BPIFB6: variants seen among roughly 807,000 people sequenced by gnomAD.
BPIFB6 encodes BPI fold-containing family B member 6.
In BPIFB6, 47 loss-of-function variants were observed where a neutral mutation model predicts 54.7. The observed-to-expected ratio is 0.86, with a 90% CI of 0.68 to 1.10. The LOEUF (loss-of-function observed/expected upper bound fraction) is 1.10, where lower values mean the gene tolerates loss of function less well. Among genes scored for constraint, BPIFB6 ranks in the 50% least tolerant of loss-of-function variants. The probability of loss-of-function intolerance (pLI) is 0.00; values close to 1 mark genes in which losing one functional copy is unlikely to be tolerated. For synonymous variants in BPIFB6, 255 were observed against 225.9 expected (o/e 1.13, Z -1.16); for missense variants, 603 against 564.1 (o/e 1.07, Z -0.70).
At chr20:33,033,382 T>C in intron 2 of BPIFB6, 2 of 496,306 alleles carry the variant, frequency 4.0e-6, no homozygotes, top group Non-Finnish European at 7.9e-6. Context: ...TCATTGAATG[T>C]ACGTGAAATT....
intron 14 of BPIFB6, 72 bp downstream of exon 14, chr20:33,043,439 C>A: frequency 1.4e-6 from 2 of 1,398,018 alleles, no homozygotes; most frequent in Non-Finnish European, 1.0e-6. Context: ...AAGAGCCTAC[C>A]TCTCTCAAAC....
intron 4 of BPIFB6, 25 bp downstream of exon 4, chr20:33,034,937 G>T: frequency 6.2e-7 from 1 of 1,605,924 alleles, no homozygotes; most frequent in East Asian, 2.2e-5. Context: ...GGCTGGGGAG[G>T]AAGGCCGGTC....
At chr20:33,043,481 C>T (rs1377172238) in intron 14 of BPIFB6, 114 bp downstream of exon 14, 1 of 945,178 alleles carries the variant, frequency 1.1e-6, no homozygotes, top group Non-Finnish European at 1.7e-6. Flanking sequence ...GGGCAGGTGG[C>T]CATCAATATA....
chr20:33,035,694 C>A (rs1979308278), intron 6 of BPIFB6, 22 bp downstream of exon 6: 3 of 1,609,668 alleles, frequency 1.9e-6, no homozygotes, highest in African/African-American at 1.3e-5. Flanking sequence ...CCTACCCACA[C>A]CTTGCCCCTA....
At position 33,035,601 on chromosome 20, in the gene BPIFB6, T is replaced by C. The variant is rs1433093610; in HGVS notation, c.517-11T>C. ...GGGACCCTCTCAGCCCAGTGCCTTC[T>C]CTGCTTCCAGATGTGTCCCGCCATC... On this transcript the variant is annotated splice_polypyrimidine_tract_variant and intron_variant, in intron 5 of 14. Transcript: ENST00000349552. 6.2e-7 allele frequency: 1 copy of C among 1,614,140 alleles called. No individual in the cohort carries two copies. The highest frequency in any genetic ancestry group is 1.3e-5 in the African/African-American group (1 of 75,038).
rs1335623780 is a variant in BPIFB6 at position 33,037,692 on chromosome 20, T to A, written c.800T>A (p.Leu267His). ...LLPATFLSAE[L>H]ALLQKSFHVN... ...CCAGCCACCTTCCTCTCTGCAGAGCTTGCCCTTCTGCAGAAGTCCTTTCAT... is the reference window on the plus strand; with the variant it reads ...CCAGCCACCTTCCTCTCTGCAGAGCATGCCCTTCTGCAGAAGTCCTTTCAT... Residue 267 changes from leucine to histidine, a missense_variant, in exon 8 of 15, where the codon CTT (leucine) becomes CAT (histidine). Transcript: ENST00000349552. 1.9e-6 allele frequency: 3 copies of A among 1,614,040 alleles called. No homozygotes were observed. Among genetic ancestry groups the A allele is most frequent in the Non-Finnish European group, 2.5e-6 (3 of 1,180,028 alleles).
chr20:33,032,856 C>T, intron 1 of BPIFB6, 128 bp from the exon 2 acceptor site: 1 of 691,896 alleles, frequency 1.4e-6, no homozygotes, highest in Non-Finnish European at 2.6e-6. Flanking sequence ...GGCTGGGGCG[C>T]TGTGGGACTC....
intron 11 of BPIFB6, among the ~76,000 whole-genome samples, chr20:33,041,284 C>T (rs967472018): frequency 1.1e-4 from 17 of 152,258 alleles, no homozygotes; most frequent in Admixed American, 5.2e-4. Flanking sequence ...CCACCACACC[C>T]GGCCTAACTT....
intron 6 of BPIFB6, among the ~76,000 whole-genome samples, chr20:33,035,973 G>T (rs1319658771): frequency 1.3e-5 from 2 of 152,086 alleles, no homozygotes; most frequent in African/African-American, 4.8e-5. Context: ...AATCCCGATG[G>T]TAGTAATGCC....
rs1433884681 is a variant in BPIFB6 at position 33,039,539 on chromosome 20, T to G, written c.1074+19T>G. ...AGAAGTGGTGAGGGAAATCGTTCCC[T>G]TCCCCATTTATTCCCAATCTCTTGG... On this transcript the variant is annotated intron_variant, in intron 10 of 14. Coordinates refer to ENST00000349552, the MANE Select transcript of BPIFB6 (RefSeq NM_174897.2). The G allele has an allele frequency of 1.3e-6, 2 of 1,589,496 alleles. No homozygotes were observed. The highest frequency in any genetic ancestry group is 2.2e-5 in the East Asian group (1 of 44,478).
At chr20:33,036,423 G>C in intron 6 of BPIFB6, 22 bp from the exon 7 acceptor site, 1 of 1,597,408 alleles carries the variant, frequency 6.3e-7, no homozygotes, top group Non-Finnish European at 8.5e-7. Context: ...GCCTCTTTGA[G>C]TGGAACCTCC....
rs1979228560 is a variant in BPIFB6 at position 33,034,228 on chromosome 20, C to A, written c.240C>A (p.Asn80Lys). 2 of 1,614,174 alleles carry A rather than the reference C, an allele frequency of 1.2e-6. No homozygotes were observed. Among genetic ancestry groups the A allele is most frequent in the Non-Finnish European group, 1.7e-6 (2 of 1,180,008 alleles). Residue 80 changes from asparagine to lysine, a missense_variant, in exon 3 of 15, where the codon AAC (asparagine) becomes AAA (lysine). Coordinates refer to ENST00000349552, the MANE Select transcript of BPIFB6 (RefSeq NM_174897.2). ...TCCAGCTGCCCGTCATCACACTGAA[C>A]TTTGTACCTGGAGTGGGCATCTTCC... Reference protein sequence around the residue: ...KDVQLPVITLNFVPGVGIFQC... With the variant: ...KDVQLPVITLKFVPGVGIFQC...
At chr20:33,033,481 A>G (rs1979192491) in intron 2 of BPIFB6, 6 of 454,294 alleles carry the variant, frequency 1.3e-5, no homozygotes, top group South Asian at 7.8e-5. Context: ...CCAGTGCCAC[A>G]TGAGATTGAT....
rs867999560 is a variant in BPIFB6 at position 33,039,453 on chromosome 20, G to A, written c.1007G>A (p.Ser336Asn). 11 of 1,614,200 alleles carry A rather than the reference G, an allele frequency of 6.8e-6. No homozygotes were observed. Among genetic ancestry groups the A allele is most frequent in the Non-Finnish European group, 9.3e-6 (11 of 1,180,024 alleles). The change falls in exon 10 of 15, where the codon AGC becomes AAC. Residue 336 changes from serine (S) to asparagine (N), a missense_variant. Physicochemically the swap from Ser to Asn is conservative, Grantham distance 46 (BLOSUM62 1). Coordinates refer to ENST00000349552, the MANE Select transcript of BPIFB6 (RefSeq NM_174897.2). ...KTGKSLLHLH[S>N]TLEMFAARWR... ...GGCAAGAGCCTGCTGCACCTCCACA[G>A]CACCCTGGAGATGTTCGCAGCTCGG...
At chr20:33,033,381 G>A (rs916453049) in intron 2 of BPIFB6, 6 of 500,762 alleles carry the variant, frequency 1.2e-5, no homozygotes, top group African/African-American at 3.9e-5. Context: ...CTCATTGAAT[G>A]TACGTGAAAT....
At position 33,034,171 on chromosome 20, in the gene BPIFB6, C is replaced by T. The variant is rs772579953; in HGVS notation, c.198-15C>T. On this transcript the variant is annotated splice_polypyrimidine_tract_variant and intron_variant, in intron 2 of 14. Transcript: ENST00000349552. ...TGCTCAGATCTTATTGGTGTGGCTG[C>T]CTGTCCCTTCCCAGTTTGAAGGTGA... is the stretch of plus-strand genomic sequence containing the variant. The T allele has an allele frequency of 1.3e-6, 2 of 1,598,358 alleles. No individual in the cohort carries two copies. The highest frequency in any genetic ancestry group is 1.7e-6 in the Non-Finnish European group (2 of 1,165,754).
At chr20:33,033,648 C>CA (rs751189367) in intron 2 of BPIFB6, 1 of 456,730 alleles carries the variant, frequency 2.2e-6, no homozygotes, top group South Asian at 1.5e-5. Flanking sequence ...CCCTGGATCT[C>CA]AACTGGTGAT....
intron 13 of BPIFB6, 81 bp from the exon 14 acceptor site, chr20:33,043,210 C>A: frequency 8.0e-7 from 1 of 1,244,924 alleles, no homozygotes; most frequent in Non-Finnish European, 1.2e-6. Context: ...GCACTATTTC[C>A]CACTATCCCT....
chr20:33,033,160 A>G, intron 2 of BPIFB6, 77 bp downstream of exon 2: 1 of 1,109,500 alleles, frequency 9.0e-7, no homozygotes, highest in Non-Finnish European at 1.4e-6. Context: ...AGATCTTAGC[A>G]GGCCAGGTAA....
Sources: allele counts gnomAD v4.1 joint callset (sites outside exome capture counted in the v4.1 genomes callset), GRCh38; gene constraint gnomAD v4.1.1; transcripts MANE v1.5; gene names NCBI Gene and HGNC (gene_info 2026-07-23, HGNC 2026-07-21).